The following TBCK variants were observed in gnomAD, a reference collection of about 807,000 sequenced individuals.
The protein encoded by TBCK is TBC1 domain containing kinase.
A neutral mutation model predicts 113.4 loss-of-function variants in TBCK; 99 were observed. The observed-to-expected ratio is 0.87, with a 90% CI of 0.74 to 1.03. The LOEUF (loss-of-function observed/expected upper bound fraction) is 1.03, where lower values mean the gene tolerates loss of function less well. Among genes scored for constraint, TBCK ranks in the 50% least tolerant of loss-of-function variants. The pLI is 0.00. For synonymous variants in TBCK, 369 were observed against 370.8 expected (o/e 1.00, Z 0.05); for missense variants, 1,045 against 1,061.3 (o/e 0.98, Z 0.21).
intron 23 of TBCK, among the ~76,000 whole-genome samples, chr4:106,157,135 G>C (rs1293588648): frequency 6.6e-6 from 1 of 152,076 alleles, no homozygotes; most frequent in Non-Finnish European, 1.5e-5. Flanking sequence ...GTCTAGAAAT[G>C]TCTGGGAGCT....
At chr4:106,099,519 C>T (rs1741301735) in intron 24 of TBCK, among the ~76,000 whole-genome samples, 2 of 152,084 alleles carry the variant, frequency 1.3e-5, no homozygotes, top group Admixed American at 1.3e-4. Flanking sequence ...ATTAAACCCA[C>T]AGTTCTCTCA....
rs1560695046 is a variant in TBCK, at chr4:106,130,623, CA to C, written c.2236-14246del. ...ACACACACACACACACACACACACA[CA>C]CACACCACACAGAAACTGCAAAAGT... On this transcript the variant is annotated intron_variant, in intron 23 of 25. Coordinates refer to ENST00000394708, the MANE Select transcript of TBCK (RefSeq NM_001163435.3). Among the ~76,000 whole-genome samples, 1,190 of 151,608 alleles carry C rather than the reference CA, an allele frequency of 7.8e-3. 14 individuals are homozygous for C. Among genetic ancestry groups the C allele is most frequent in the African/African-American group, 0.027 (1,111 of 41,234 alleles).
chr4:106,255,496 T>C (rs577910404), intron 5 of TBCK, among the ~76,000 whole-genome samples: 3 of 152,206 alleles, frequency 2.0e-5, no homozygotes, highest in Admixed American at 6.5e-5. Context: ...ACTGGCTTCC[T>C]GCAAGGCTGT....
intron 19 of TBCK, among the ~76,000 whole-genome samples, chr4:106,228,252 T>C (rs185903500): frequency 6.6e-6 from 1 of 152,004 alleles, no homozygotes; most frequent in Non-Finnish European, 1.5e-5. Context: ...ATTATATACT[T>C]ACTTATTTTA....
At chr4:106,244,844 T>C (rs1760589849) in intron 10 of TBCK, 80 bp from the exon 11 acceptor site, 3 of 858,768 alleles carry the variant, frequency 3.5e-6, no homozygotes, top group Non-Finnish European at 5.2e-6. Flanking sequence ...ATAGCTGCCA[T>C]TCTAAAAAAA....
intron 23 of TBCK, among the ~76,000 whole-genome samples, chr4:106,125,654 G>A (rs1379862999): frequency 6.6e-6 from 1 of 152,122 alleles, no homozygotes; most frequent in Non-Finnish European, 1.5e-5. Context: ...AACTAAATAA[G>A]TTGATCTCAT....
rs1395924715 is a variant in TBCK, at chr4:106,046,395, T to C, written c.*175A>G. The stretch of plus-strand genomic sequence containing the variant: ...AGCAATACATGTAGAGTCAAGTTTC[T>C]TGCATGGATAACTGAACATGTGGGT... On this transcript the variant is annotated 3_prime_UTR_variant, in exon 26 of 26. Coordinates refer to ENST00000394708, the MANE Select transcript of TBCK (RefSeq NM_001163435.3). The C allele has an allele frequency of 4.2e-6, 2 of 480,364 alleles. No homozygotes were observed. Among genetic ancestry groups the C allele is most frequent in the Non-Finnish European group, 3.7e-6 (1 of 271,016 alleles). 29.8% of individuals were successfully genotyped at this position (480,364 alleles called of 1,614,324 possible). A position where few individuals can be genotyped will look rare whatever the true frequency, so the allele number is the denominator to read the frequency against.
At chr4:106,250,582 A>C in intron 6 of TBCK, 104 bp from the exon 7 acceptor site, 2 of 596,746 alleles carry the variant, frequency 3.4e-6, no homozygotes, top group South Asian at 4.7e-5. Context: ...AGGCATCTTT[A>C]TTTATCTCCA....
intron 23 of TBCK, among the ~76,000 whole-genome samples, chr4:106,125,938 G>A (rs753046348): frequency 1.1e-4 from 17 of 152,260 alleles, no homozygotes; most frequent in Non-Finnish European, 2.1e-4. Flanking sequence ...AAGACTTATG[G>A]AGTAAATCTA....
chr4:106,116,394 T>C lies in TBCK; in HGVS notation c.2236-16A>G. ...ATTCTCTTGACTGAAAAAAAAAATGTACAAAAAAAAATATTGAGAATATTA... is the reference window on the plus strand; with the variant it reads ...ATTCTCTTGACTGAAAAAAAAAATGCACAAAAAAAAATATTGAGAATATTA... On this transcript the variant is annotated splice_polypyrimidine_tract_variant and intron_variant, in intron 23 of 25. Coordinates refer to ENST00000394708, the MANE Select transcript of TBCK (RefSeq NM_001163435.3). 6.3e-7 allele frequency: 1 copy of C among 1,581,254 alleles called. No individual in the cohort carries two copies. Among genetic ancestry groups the C allele is most frequent in the Non-Finnish European group, 8.6e-7 (1 of 1,162,034 alleles).
chr4:106,194,706 A>G lies in TBCK; in HGVS notation c.1897+12T>C, dbSNP rs779889157. ...ATACAATATCAAAAAAACCGGGGGAAGTCATACTTACGAGTAAACATGGTA... is the reference window on the plus strand; with the variant it reads ...ATACAATATCAAAAAAACCGGGGGAGGTCATACTTACGAGTAAACATGGTA... On this transcript the variant is annotated intron_variant, in intron 21 of 25. Transcript: ENST00000394708. 16 of 1,592,848 alleles carry G rather than the reference A, an allele frequency of 1.0e-5. No individual in the cohort carries two copies. The highest frequency in any genetic ancestry group is 1.4e-5 in the Non-Finnish European group (16 of 1,171,926).
chr4:106,301,777 C>A (rs1579568402), intron 2 of TBCK, among the ~76,000 whole-genome samples: 2 of 152,068 alleles, frequency 1.3e-5, no homozygotes, highest in Middle Eastern at 6.8e-3. Flanking sequence ...TGGGAGGGGG[C>A]ATGACTAACA....
chr4:106,158,500 G>T (rs996667236), intron 23 of TBCK, among the ~76,000 whole-genome samples: 1 of 152,164 alleles, frequency 6.6e-6, no homozygotes, highest in African/African-American at 2.4e-5. Context: ...GTTTTTGATT[G>T]ACTAAATTTG....
In TBCK at chr4:106,171,234, T is replaced by C. The variant is rs775947508; in HGVS notation, c.2096A>G (p.Asn699Ser). 12 of 1,611,258 alleles carry C rather than the reference T, an allele frequency of 7.4e-6. No individual in the cohort carries two copies. The highest frequency in any genetic ancestry group is 4.5e-5 in the East Asian group (2 of 44,788). Residue 699 changes from asparagine to serine, a missense_variant, in exon 23 of 26, where the codon AAC (asparagine) becomes AGC (serine). By Grantham distance (46) the Asn-to-Ser change is conservative. Coordinates refer to ENST00000394708, the MANE Select transcript of TBCK (RefSeq NM_001163435.3). The stretch of plus-strand genomic sequence containing the variant: ...ACTTTTAGGAGTCCAACAAAACAGG[T>C]TGATAGATTCTCTCACACAGCGTTC... ...DIERCVRESI[N>S]LFCWTPKSAT...
At chr4:106,077,794 T>G (rs1324804026) in intron 25 of TBCK, among the ~76,000 whole-genome samples, 1 of 152,186 alleles carries the variant, frequency 6.6e-6, no homozygotes, top group Non-Finnish European at 1.5e-5. Context: ...AACTCAATAC[T>G]TGACCAATTA....
chr4:106,291,746 A>G (rs932998428), intron 3 of TBCK, among the ~76,000 whole-genome samples: 1 of 152,224 alleles, frequency 6.6e-6, no homozygotes, highest in Non-Finnish European at 1.5e-5. Flanking sequence ...CCTGCTGCTA[A>G]AGACATCTGT....
chr4:106,176,997 A>AC (rs1751749306), intron 22 of TBCK, among the ~76,000 whole-genome samples: 2 of 149,658 alleles, frequency 1.3e-5, no homozygotes, highest in Non-Finnish European at 3.0e-5. Flanking sequence ...TCACTAAGTT[A>AC]CCCAGGTTAG....
In TBCK at chr4:106,221,413, G is replaced by A. The variant is rs938337844; in HGVS notation, c.1775-8578C>T. Among the ~76,000 whole-genome samples the A allele has an allele frequency of 4.6e-5, 7 of 151,920 alleles. 1 individual carries two copies. Among genetic ancestry groups the A allele is most frequent in the African/African-American group, 1.7e-4 (7 of 41,378 alleles). ...ATATGTTATATATCACTTCATATAT[G>A]CAAATATAATTTGTAAAACTAGCAT... On this transcript the variant is annotated intron_variant, in intron 19 of 25. Transcript: ENST00000394708.
At chr4:106,208,898 T>A (rs1219973989) in intron 20 of TBCK, among the ~76,000 whole-genome samples, 1 of 152,108 alleles carries the variant, frequency 6.6e-6, no homozygotes, top group African/African-American at 2.4e-5. Flanking sequence ...ATTCCCCTCA[T>A]CCAGACGCCG....
Sources: gnomAD v4.1 joint callset for allele counts (sites outside exome capture counted in the v4.1 genomes callset) on GRCh38, gnomAD v4.1.1 for gene constraint, MANE v1.5 for transcripts, NCBI Gene and HGNC (gene_info 2026-07-23, HGNC 2026-07-21) for gene names.